The following CSMD1 variants were observed in gnomAD, a reference collection of about 807,000 sequenced individuals.
CSMD1 encodes the protein CUB and Sushi multiple domains 1, also known as CUB and sushi domain-containing protein 1.
CSMD1 carries 213 observed loss-of-function variants against 417.5 expected under a neutral mutation model. The observed-to-expected ratio is 0.51, with a 90% confidence interval of 0.46 to 0.57. The LOEUF is 0.57. Ranked by LOEUF, CSMD1 falls within the 20% of genes least tolerant of loss-of-function variation. The pLI is 0.00. For synonymous variants in CSMD1, 2,862 were observed against 1,736.8 expected (o/e 1.65, Z -16.11); for missense variants, 6,923 against 4,529.7 (o/e 1.53, Z -15.17).
rs140465590 is a variant in CSMD1 at position 4,293,357 on chromosome 8, G to A, written c.415+126596C>T. Among the ~76,000 whole-genome samples, 61 of 152,262 alleles carry A rather than the reference G, an allele frequency of 4.0e-4. 1 individual carries two copies. Among genetic ancestry groups the A allele is most frequent in the African/African-American group, 1.3e-3 (55 of 41,564 alleles). The stretch of plus-strand genomic sequence containing the variant: ...TTGTGCAAATATTAATATCTTACTA[G>A]TAAGTCCAATCTAAATTTATTGAGC... On this transcript the variant is annotated intron_variant, in intron 3 of 69. Coordinates refer to ENST00000635120, the MANE Select transcript of CSMD1 (RefSeq NM_033225.6).
intron 3 of CSMD1, among the ~76,000 whole-genome samples, chr8:4,103,990 G>A (rs995632867): frequency 5.3e-5 from 8 of 152,290 alleles, no homozygotes; most frequent in Admixed American, 1.3e-4. Context: ...TGTTCTAAGA[G>A]TGCCCCAGCT....
chr8:3,566,426 G>C (rs984780844), intron 10 of CSMD1, among the ~76,000 whole-genome samples: 2 of 151,942 alleles, frequency 1.3e-5, no homozygotes, highest in African/African-American at 4.8e-5. Context: ...CTTCACTCTA[G>C]GCACCACTGT....
chr8:4,434,159 G>A (rs920132237), intron 2 of CSMD1, among the ~76,000 whole-genome samples: 3 of 152,148 alleles, frequency 2.0e-5, no homozygotes, highest in Non-Finnish European at 4.4e-5. Context: ...CCAACATGGT[G>A]AAAACCAGTC....
chr8:3,656,034 C>T (rs950532455), intron 7 of CSMD1, among the ~76,000 whole-genome samples: 2 of 152,156 alleles, frequency 1.3e-5, no homozygotes, highest in African/African-American at 4.8e-5. Context: ...GGACATCTCT[C>T]TGGGGGAAAT....
chr8:3,679,102 A>C (rs1230449590), intron 7 of CSMD1, among the ~76,000 whole-genome samples: 3 of 152,204 alleles, frequency 2.0e-5, no homozygotes, highest in Non-Finnish European at 4.4e-5. Context: ...AAGACCATCG[A>C]GGCTAGGAAG....
rs1004357328 is a variant in CSMD1, at chr8:3,461,862, C to A, written c.1561+6850G>T. 1.6e-4 allele frequency among the ~76,000 whole-genome samples: 24 copies of A among 152,304 alleles called. No individual in the cohort carries two copies. The South Asian group carries it at 1.7e-3, about 11-fold the overall frequency. ...AGTGCACTGTGAGCAGAGACCGAGG[C>A]CCTGTGAGGACTTGGGTCAGCATCG... On this transcript the variant is annotated intron_variant, in intron 12 of 69. Coordinates refer to ENST00000635120, the MANE Select transcript of CSMD1 (RefSeq NM_033225.6).
chr8:3,826,933 T>G (rs999814253), intron 5 of CSMD1, among the ~76,000 whole-genome samples: 1 of 152,106 alleles, frequency 6.6e-6, no homozygotes, highest in African/African-American at 2.4e-5. Context: ...ACTACAGGCA[T>G]GTGCCTAGCT....
chr8:4,281,993 C>A (rs1366988688), intron 3 of CSMD1, among the ~76,000 whole-genome samples: 1 of 152,192 alleles, frequency 6.6e-6, no homozygotes, highest in Non-Finnish European at 1.5e-5. Flanking sequence ...TCAACTATAG[C>A]AAGGTGAATT....
At chr8:3,248,886 G>A (rs1011830547) in intron 26 of CSMD1, among the ~76,000 whole-genome samples, 16 of 151,932 alleles carry the variant, frequency 1.1e-4, no homozygotes, top group African/African-American at 3.1e-4. Flanking sequence ...CTTGATTCCC[G>A]CAGCTCTATG....
chr8:3,473,027 C>A (rs1333909899), intron 11 of CSMD1, among the ~76,000 whole-genome samples: 1 of 152,078 alleles, frequency 6.6e-6, no homozygotes, highest in Non-Finnish European at 1.5e-5. Flanking sequence ...CTGGTTCTGG[C>A]ATTTCATCTC....
At position 3,932,467 on chromosome 8, in the gene CSMD1, C is replaced by CT. The variant is rs1038912475; in HGVS notation, c.818+65435dup. 1.9e-4 allele frequency among the ~76,000 whole-genome samples: 29 copies of CT among 150,514 alleles called. 2 individuals carry two copies. Among genetic ancestry groups the CT allele is most frequent in the African/African-American group, 6.4e-4 (26 of 40,860 alleles). On this transcript the variant is annotated intron_variant, in intron 5 of 69. Coordinates refer to ENST00000635120, the MANE Select transcript of CSMD1 (RefSeq NM_033225.6). ...CCCAGCCTCAGCACGGTAATAAGAC[C>CT]TTGATATGTAGGACCTTGATGCTAA...
At chr8:4,810,480 T>C (rs916276986) in intron 1 of CSMD1, among the ~76,000 whole-genome samples, 1 of 152,156 alleles carries the variant, frequency 6.6e-6, no homozygotes, top group Non-Finnish European at 1.5e-5. Context: ...CGAGTCATGT[T>C]TGATGTTATT....
intron 3 of CSMD1, among the ~76,000 whole-genome samples, chr8:4,338,659 G>C (rs1474445993): frequency 2.0e-5 from 3 of 152,038 alleles, no homozygotes; most frequent in Admixed American, 6.6e-5. Context: ...ATGTGCTCAC[G>C]GGTGAGTCAG....
At chr8:4,666,003 G>A (rs1184712016) in intron 1 of CSMD1, among the ~76,000 whole-genome samples, 1 of 152,136 alleles carries the variant, frequency 6.6e-6, no homozygotes, top group African/African-American at 2.4e-5. Context: ...CTCTGCATCG[G>A]CAGCAGCACT....
At position 4,905,942 on chromosome 8, in the gene CSMD1, C is replaced by G. The variant is rs545927534; in HGVS notation, c.85+88390G>C. ...CTTTCCTTTCACCAGTCCCAGTTTC[C>G]CAAACCCCCATTCATTCTTCCTGCC... On this transcript the variant is annotated intron_variant, in intron 1 of 69. Transcript: ENST00000635120. Among the ~76,000 whole-genome samples the G allele has an allele frequency of 2.6e-5, 4 of 152,142 alleles. No individual in the cohort carries two copies. The East Asian group carries it at 5.8e-4, about 22-fold the overall frequency.
At chr8:4,804,583 G>A (rs1280645130) in intron 1 of CSMD1, among the ~76,000 whole-genome samples, 1 of 151,428 alleles carries the variant, frequency 6.6e-6, no homozygotes, top group African/African-American at 2.4e-5. Flanking sequence ...TAGGGAGGGA[G>A]GAAGGAAGGA....
At chr8:4,803,481 G>T (rs1798422126) in intron 1 of CSMD1, among the ~76,000 whole-genome samples, 1 of 152,188 alleles carries the variant, frequency 6.6e-6, no homozygotes, top group African/African-American at 2.4e-5. Context: ...GGGTCAGAAA[G>T]CCCTAGGTTG....
At chr8:3,538,020 C>T (rs1368846740) in intron 10 of CSMD1, among the ~76,000 whole-genome samples, 2 of 152,222 alleles carry the variant, frequency 1.3e-5, no homozygotes, top group African/African-American at 2.4e-5. Flanking sequence ...TCCTACAAGA[C>T]TGTGGTAAAC....
At chr8:4,662,323 G>T (rs887030501) in intron 1 of CSMD1, among the ~76,000 whole-genome samples, 3 of 152,114 alleles carry the variant, frequency 2.0e-5, no homozygotes, top group African/African-American at 7.2e-5. Context: ...TTACTCAGAG[G>T]AAATGAGGGA....
Sources: gnomAD v4.1 joint callset for allele counts (sites outside exome capture counted in the v4.1 genomes callset) on GRCh38, gnomAD v4.1.1 for gene constraint, MANE v1.5 for transcripts, NCBI Gene and HGNC (gene_info 2026-07-23, HGNC 2026-07-21) for gene names.